The following STXBP5L variants were observed in gnomAD, a reference collection of about 807,000 sequenced individuals.
The protein encoded by STXBP5L is syntaxin-binding protein 5-like.
A neutral mutation model predicts 144.5 loss-of-function variants in STXBP5L; 65 were observed. The observed-to-expected ratio is 0.45, with a 90% confidence interval of 0.37 to 0.55. The LOEUF (loss-of-function observed/expected upper bound fraction) is 0.55. STXBP5L is among the 20% of genes least tolerant of loss of function. The probability of loss-of-function intolerance (pLI) is 0.00; values close to 1 mark genes in which losing one functional copy is unlikely to be tolerated. For missense variants in STXBP5L, 1,298 were observed against 1,405.5 expected (o/e 0.92, Z 1.22); for synonymous variants, 505 against 469.6 (o/e 1.08, Z -0.97).
chr3:121,415,161 C>T (rs1386955876), intron 24 of STXBP5L, among the ~76,000 whole-genome samples: 1 of 152,146 alleles, frequency 6.6e-6, no homozygotes, highest in African/African-American at 2.4e-5. Flanking sequence ...TTTCTCCACA[C>T]TGATGGTTCT....
chr3:121,416,502 TATTTATTA>T (rs2047241013), intron 25 of STXBP5L, among the ~76,000 whole-genome samples: 1 of 136,830 alleles, frequency 7.3e-6, no homozygotes, highest in Non-Finnish European at 1.6e-5. Flanking sequence ...TTTATTTATT[TATTTATTA>T]TTTATTTATT....
chr3:120,949,532 G>T (rs770384510), intron 2 of STXBP5L, among the ~76,000 whole-genome samples: 77 of 152,040 alleles, frequency 5.1e-4, no homozygotes, highest in Non-Finnish European at 8.4e-4. Flanking sequence ...TATCTTCTAG[G>T]ATTTTTATGG....
chr3:121,222,671 T>C (rs1232013175), intron 10 of STXBP5L, among the ~76,000 whole-genome samples: 3 of 152,168 alleles, frequency 2.0e-5, no homozygotes, highest in Non-Finnish European at 4.4e-5. Context: ...GATAGTGATT[T>C]AGAGTTTGGG....
intron 20 of STXBP5L, among the ~76,000 whole-genome samples, chr3:121,374,276 A>G (rs2046118287): frequency 6.6e-6 from 1 of 152,202 alleles, no homozygotes; most frequent in South Asian, 2.1e-4. Flanking sequence ...CATGTACCCA[A>G]CTTACATTAT....
At chr3:121,163,160 T>C (rs1002776394) in intron 9 of STXBP5L, among the ~76,000 whole-genome samples, 1 of 152,146 alleles carries the variant, frequency 6.6e-6, no homozygotes, top group Non-Finnish European at 1.5e-5. Flanking sequence ...AGCAAAGACT[T>C]GGAACCAACC....
chr3:121,029,179 C>G (rs1371385885), intron 3 of STXBP5L, among the ~76,000 whole-genome samples: 1 of 152,122 alleles, frequency 6.6e-6, no homozygotes, highest in Non-Finnish European at 1.5e-5. Context: ...GAAAATACTA[C>G]TTTAAATTTC....
At chr3:121,272,821 A>C (rs573360819) in intron 18 of STXBP5L, among the ~76,000 whole-genome samples, 1 of 152,084 alleles carries the variant, frequency 6.6e-6, no homozygotes, top group Non-Finnish European at 1.5e-5. Flanking sequence ...TACGTGGAAC[A>C]TCTTATACTT....
At chr3:121,069,887 G>A (rs1003627127) in intron 5 of STXBP5L, among the ~76,000 whole-genome samples, 1 of 152,020 alleles carries the variant, frequency 6.6e-6, no homozygotes, top group African/African-American at 2.4e-5. Flanking sequence ...CACTTTTGTC[G>A]AAACTCCGTC....
intron 5 of STXBP5L, chr3:121,049,864 C>T (rs752278249): frequency 6.6e-6 from 1 of 152,618 alleles, no homozygotes; most frequent in Middle Eastern, 1.9e-3. Flanking sequence ...AGTGATGGCT[C>T]TGCCAAGACT....
intron 3 of STXBP5L, among the ~76,000 whole-genome samples, chr3:120,975,384 C>G (rs75727207): frequency 0.2 from 30,170 of 151,964 alleles, 3,141 homozygotes; most frequent in Non-Finnish European, 0.23. Context: ...GATTTTTGCA[C>G]ATTGATTTTG....
rs2047347857 is a variant in STXBP5L, at chr3:121,421,284, T to C, written c.*2187T>C. ...CAGTCCAAAGTAGCAGTACATTTGA[T>C]GAGTATTTCTGAAGCCTTCAATAAG... On this transcript the variant is annotated 3_prime_UTR_variant, in exon 27 of 27. Coordinates refer to ENST00000471454, the MANE Select transcript of STXBP5L (RefSeq NM_001308330.2). 6.6e-6 allele frequency: 1 copy of C among 152,194 alleles called. No homozygotes were observed. Among genetic ancestry groups the C allele is most frequent in the Admixed American group, 6.6e-5 (1 of 15,260 alleles). The allele number at this position is 152,194 out of a possible 1,614,324, so 9.4% of individuals were successfully genotyped here.
At chr3:121,134,480 G>A (rs143720323) in intron 7 of STXBP5L, among the ~76,000 whole-genome samples, 1 of 151,976 alleles carries the variant, frequency 6.6e-6, no homozygotes. Context: ...ATGTATACAT[G>A]TGCCATGTTG....
At chr3:121,091,623 G>GTTGT (rs573424442) in intron 5 of STXBP5L, among the ~76,000 whole-genome samples, 6 of 151,296 alleles carry the variant, frequency 4.0e-5, no homozygotes, top group East Asian at 1.9e-4. Flanking sequence ...TTTTGATGGG[G>GTTGT]TTGTTTTTTT....
At chr3:121,074,705 G>T (rs150251938) in intron 5 of STXBP5L, among the ~76,000 whole-genome samples, 5 of 152,180 alleles carry the variant, frequency 3.3e-5, no homozygotes, top group Non-Finnish European at 7.4e-5. Flanking sequence ...TTCCTTTGTT[G>T]TTGGGACAGT....
At chr3:121,309,808 T>C (rs1351203002) in intron 19 of STXBP5L, among the ~76,000 whole-genome samples, 1 of 152,186 alleles carries the variant, frequency 6.6e-6, no homozygotes, top group African/African-American at 2.4e-5. Flanking sequence ...ACATATTATT[T>C]GTAGAACTTG....
chr3:121,281,965 C>T (rs1366147470), intron 19 of STXBP5L, among the ~76,000 whole-genome samples: 2 of 150,256 alleles, frequency 1.3e-5, no homozygotes, highest in African/African-American at 4.9e-5. Context: ...GGAAAATGTG[C>T]CATCTACTTT....
chr3:121,018,514 T>A (rs1945301628), intron 3 of STXBP5L, among the ~76,000 whole-genome samples: 1 of 106,358 alleles, frequency 9.4e-6, no homozygotes, highest in Non-Finnish European at 1.8e-5. Context: ...CAACTGGACA[T>A]CCATATACCA....
At chr3:120,977,892 C>A (rs937190747) in intron 3 of STXBP5L, among the ~76,000 whole-genome samples, 1 of 152,170 alleles carries the variant, frequency 6.6e-6, no homozygotes, top group Non-Finnish European at 1.5e-5. Flanking sequence ...TTCTGGCTTG[C>A]AGATTTTCTG....
intron 3 of STXBP5L, among the ~76,000 whole-genome samples, chr3:121,026,144 C>G (rs797010915): frequency 4.6e-5 from 7 of 151,134 alleles, no homozygotes; most frequent in African/African-American, 1.7e-4. Context: ...AAATGTATCA[C>G]CTTGATTTAA....
Sources: gnomAD v4.1 joint callset for allele counts (sites outside exome capture counted in the v4.1 genomes callset) on GRCh38, gnomAD v4.1.1 for gene constraint, MANE v1.5 for transcripts, NCBI Gene and HGNC (gene_info 2026-07-23, HGNC 2026-07-21) for gene names.